Variants in KCNIP1 observed in about 807,000 individuals in gnomAD.
KCNIP1 encodes the protein A-type potassium channel modulatory protein KCNIP1.
Under a neutral mutation model 33.0 loss-of-function variants are expected in KCNIP1, and 18 were observed. The observed-to-expected ratio is 0.55, with a 90% CI of 0.38 to 0.81. The LOEUF (loss-of-function observed/expected upper bound fraction) is 0.81. Ranked by LOEUF, KCNIP1 falls within the 30% of genes least tolerant of loss-of-function variation. The pLI is 0.00. For synonymous variants in KCNIP1, 93 were observed against 98.3 expected, an observed-to-expected ratio of 0.95 and a Z score of 0.32; for missense variants, 238 against 271.6, an observed-to-expected ratio of 0.88 and a Z score of 0.87.
intron 1 of KCNIP1, among the ~76,000 whole-genome samples, chr5:170,368,849 C>A (rs780709789): frequency 6.6e-6 from 1 of 152,236 alleles, no homozygotes; most frequent in Non-Finnish European, 1.5e-5. Context: ...AACCCACACA[C>A]GCATTCTCCT....
chr5:170,730,019 C>T (rs926281721), intron 5 of KCNIP1, among the ~76,000 whole-genome samples: 1 of 151,778 alleles, frequency 6.6e-6, no homozygotes, highest in East Asian at 1.9e-4. Context: ...AATGGAATAG[C>T]CAGTGGCCAC....
intron 1 of KCNIP1, among the ~76,000 whole-genome samples, chr5:170,367,499 T>C (rs1012552797): frequency 1.3e-5 from 2 of 151,916 alleles, no homozygotes; most frequent in Admixed American, 6.6e-5. Flanking sequence ...AGACCTGGCA[T>C]AGAGTAGGGG....
At chr5:170,422,841 C>T (rs1200574304) in intron 1 of KCNIP1, 1 of 152,200 alleles carries the variant, frequency 6.6e-6, no homozygotes, top group Non-Finnish European at 1.5e-5. Context: ...ACTGTGAACA[C>T]CTGTTATCCT....
chr5:170,492,781 T>A (rs112811128), intron 1 of KCNIP1, among the ~76,000 whole-genome samples: 7 of 117,166 alleles, frequency 6.0e-5, no homozygotes, highest in Non-Finnish European at 9.2e-5. Context: ...TTATTTATTT[T>A]TTGAGACGGA....
At chr5:170,483,019 T>G (rs1435806385) in intron 1 of KCNIP1, 2 of 448,336 alleles carry the variant, frequency 4.5e-6, no homozygotes, top group East Asian at 1.4e-4. Flanking sequence ...AAGTATGAGG[T>G]GGAAGAAACA....
At chr5:170,509,832 C>T (rs1220412665) in intron 1 of KCNIP1, among the ~76,000 whole-genome samples, 1 of 152,160 alleles carries the variant, frequency 6.6e-6, no homozygotes, top group Non-Finnish European at 1.5e-5. Context: ...TGTATAGTGT[C>T]TTTGGAGAAG....
intron 1 of KCNIP1, among the ~76,000 whole-genome samples, chr5:170,622,450 C>T (rs553480802): frequency 2.0e-5 from 3 of 151,910 alleles, no homozygotes; most frequent in Non-Finnish European, 4.4e-5. Flanking sequence ...GGTGAAACCC[C>T]GTCTCTACTA....
At chr5:170,624,543 C>T (rs773409507) in intron 1 of KCNIP1, among the ~76,000 whole-genome samples, 1 of 151,930 alleles carries the variant, frequency 6.6e-6, no homozygotes, top group Non-Finnish European at 1.5e-5. Context: ...CTGATCACTT[C>T]GGTTCTCATC....
chr5:170,501,637 T>G (rs911782421), upstream of KCNIP1, among the ~76,000 whole-genome samples: 1 of 152,206 alleles, frequency 6.6e-6, no homozygotes, highest in Non-Finnish European at 1.5e-5. Flanking sequence ...ATTCTAGCCT[T>G]TTGTGACCTC....
chr5:170,669,759 A>G, intron 1 of KCNIP1: 1 of 561,676 alleles, frequency 1.8e-6, no homozygotes, highest in Non-Finnish European at 2.3e-6. Context: ...GATTACAAAG[A>G]GCACACATTT....
chr5:170,398,840 A>G (rs1754825043), intron 1 of KCNIP1, among the ~76,000 whole-genome samples: 1 of 152,194 alleles, frequency 6.6e-6, no homozygotes, highest in Non-Finnish European at 1.5e-5. Context: ...TTGCTGAGCC[A>G]TAGAATGTCA....
chr5:170,416,840 G>A (rs1755344578), intron 1 of KCNIP1, among the ~76,000 whole-genome samples: 2 of 152,184 alleles, frequency 1.3e-5, no homozygotes, highest in African/African-American at 4.8e-5. Context: ...GGAAACTGAG[G>A]CAGTGAAGTT....
chr5:170,664,560 T>C (rs10042719), intron 1 of KCNIP1, among the ~76,000 whole-genome samples: 100,770 of 151,974 alleles, frequency 0.66, 34,804 homozygotes, highest in African/African-American at 0.86. Context: ...ATCCACCCGC[T>C]TCAGCCTTTC....
At chr5:170,577,271 G>A (rs577950168) in intron 1 of KCNIP1, among the ~76,000 whole-genome samples, 1 of 152,136 alleles carries the variant, frequency 6.6e-6, no homozygotes, top group African/African-American at 2.4e-5. Context: ...CTGTCCTCTC[G>A]GTTCTGAAGG....
At chr5:170,543,968 C>T (rs1057058667) in intron 1 of KCNIP1, among the ~76,000 whole-genome samples, 2 of 152,142 alleles carry the variant, frequency 1.3e-5, no homozygotes, top group African/African-American at 2.4e-5. Flanking sequence ...TAGAAACCAG[C>T]GTTAATGGGA....
At chr5:170,505,020 C>A (rs1754659117) in intron 1 of KCNIP1, among the ~76,000 whole-genome samples, 1 of 152,194 alleles carries the variant, frequency 6.6e-6, no homozygotes, top group South Asian at 2.1e-4. Context: ...GGTGCTGCCA[C>A]ACTCCCACAC....
At chr5:170,447,006 C>A (rs1377883508) in intron 1 of KCNIP1, among the ~76,000 whole-genome samples, 2 of 152,230 alleles carry the variant, frequency 1.3e-5, no homozygotes. Context: ...CTTCAGATAT[C>A]TCTCCCATTT....
At position 170,642,589 on chromosome 5, in the gene KCNIP1, C is replaced by G. The variant is rs78227854; in HGVS notation, c.62-76169C>G. Among the ~76,000 whole-genome samples, 402 of 152,304 alleles carry G rather than the reference C, an allele frequency of 2.6e-3. 1 individual carries two copies. The highest frequency in any genetic ancestry group is 9.0e-3 in the African/African-American group (373 of 41,582). On this transcript the variant is annotated intron_variant, in intron 1 of 7. Transcript: ENST00000328939. Reference sequence around the variant, plus strand: ...AGCCTCAGACCTGCAGGCCAGCGCTCCCATGCCCCATAGCCGGGAGTAAAG... The same window carrying G: ...AGCCTCAGACCTGCAGGCCAGCGCTGCCATGCCCCATAGCCGGGAGTAAAG...
chr5:170,618,547 G>A (rs1759485921), intron 1 of KCNIP1, among the ~76,000 whole-genome samples: 1 of 116,776 alleles, frequency 8.6e-6, no homozygotes, highest in Non-Finnish European at 1.8e-5. Context: ...AAGGAGGGAG[G>A]AGGGAGGGAG....
Sources: allele counts gnomAD v4.1 joint callset (sites outside exome capture counted in the v4.1 genomes callset), GRCh38; gene constraint gnomAD v4.1.1; transcripts MANE v1.5; gene names NCBI Gene and HGNC (gene_info 2026-07-23, HGNC 2026-07-21).